BMPR1B: variants seen among roughly 807,000 people sequenced by gnomAD.
BMPR1B encodes the protein bone morphogenetic protein receptor type 1B.
A neutral mutation model predicts 59.1 loss-of-function variants in BMPR1B; 12 were observed. The observed-to-expected ratio is 0.20, with a 90% CI of 0.13 to 0.33. BMPR1B has a LOEUF of 0.33. Among genes scored for constraint, BMPR1B ranks in the 10% least tolerant of loss-of-function variants. The probability of loss-of-function intolerance (pLI) is 1.00; values close to 1 mark genes in which losing one functional copy is unlikely to be tolerated. For missense variants in BMPR1B, 550 were observed against 610.9 expected (o/e 0.90, Z 1.05); for synonymous variants, 237 against 207.3 (o/e 1.14, Z -1.23).
intron 2 of BMPR1B, among the ~76,000 whole-genome samples, chr4:94,930,877 T>A (rs1247273071): frequency 6.6e-6 from 1 of 152,080 alleles, no homozygotes; most frequent in African/African-American, 2.4e-5. Context: ...ACTAAAAATA[T>A]CCAGAGCACT....
intron 3 of BMPR1B, among the ~76,000 whole-genome samples, chr4:95,081,341 C>A (rs754265400): frequency 3.6e-4 from 55 of 152,086 alleles, no homozygotes; most frequent in Non-Finnish European, 6.5e-4. Context: ...AAAATTTTTA[C>A]TAGAAAGAAT....
At chr4:94,864,279 G>A (rs774373235) in intron 1 of BMPR1B, among the ~76,000 whole-genome samples, 3 of 151,952 alleles carry the variant, frequency 2.0e-5, no homozygotes, top group Admixed American at 6.6e-5. Flanking sequence ...AACCTGTCCC[G>A]TTTCAGATTG....
intron 3 of BMPR1B, among the ~76,000 whole-genome samples, chr4:95,004,879 G>T (rs1350490904): frequency 6.6e-6 from 1 of 152,070 alleles, no homozygotes; most frequent in Non-Finnish European, 1.5e-5. Context: ...GAGTTTTTTT[G>T]TTGTTGTTTA....
chr4:94,772,401 C>A (rs894770597), intron 1 of BMPR1B, among the ~76,000 whole-genome samples: 3 of 152,060 alleles, frequency 2.0e-5, no homozygotes, highest in African/African-American at 7.2e-5. Context: ...TCCAAAATAA[C>A]CAGATTAAAC....
chr4:94,969,425 G>A (rs2149074966), intron 2 of BMPR1B, among the ~76,000 whole-genome samples: 1 of 152,280 alleles, frequency 6.6e-6, no homozygotes, highest in South Asian at 2.1e-4. Context: ...AGCCTGCAAT[G>A]GCTGGGCTAG....
At chr4:94,759,635 T>G (rs1273554615) in intron 1 of BMPR1B, among the ~76,000 whole-genome samples, 1 of 152,188 alleles carries the variant, frequency 6.6e-6, no homozygotes, top group Non-Finnish European at 1.5e-5. Flanking sequence ...CCCTTTACAC[T>G]CTAGTGATCA....
Position 95,051,866 on chromosome 4 carries a change from G to T in BMPR1B, c.-17-52542G>T, listed in dbSNP as rs1726530162. On this transcript the variant is annotated intron_variant, in intron 3 of 12. Coordinates refer to ENST00000515059, the MANE Select transcript of BMPR1B (RefSeq NM_001203.3). ...ATCGCAGAAGGGAAAGTTCAGGCCA[G>T]AAGTTCAATGTCTATAAAGTTCCAT... is the stretch of plus-strand genomic sequence containing the variant. 2.1e-5 allele frequency: 26 copies of T among 1,240,356 alleles called. No individual in the cohort carries two copies. In the Middle Eastern group the frequency reaches 9.3e-4, roughly 44 times the overall value. 76.8% of individuals were successfully genotyped at this position (1,240,356 alleles called of 1,614,324 possible).
chr4:95,125,134 C>T lies in BMPR1B; in HGVS notation c.585+13C>T. On this transcript the variant is annotated intron_variant, in intron 8 of 12. Transcript: ENST00000515059. ...CCTCCCTCTGCTGGTATGAGAAGAA[C>T]ACATCTTGAATTTAAAGGAAATGTT... 3 of 1,613,412 alleles carry T rather than the reference C, an allele frequency of 1.9e-6. No individual in the cohort carries two copies. Among genetic ancestry groups the T allele is most frequent in the Non-Finnish European group, 2.5e-6 (3 of 1,179,612 alleles).
At chr4:95,054,184 GA>G (rs2079748479) in intron 3 of BMPR1B, among the ~76,000 whole-genome samples, 1 of 152,146 alleles carries the variant, frequency 6.6e-6, no homozygotes. Context: ...AGATTTATAT[GA>G]AGGAATATGT....
chr4:95,032,525 C>T (rs1008893139), intron 3 of BMPR1B, among the ~76,000 whole-genome samples: 4 of 152,108 alleles, frequency 2.6e-5, no homozygotes, highest in African/African-American at 9.7e-5. Context: ...CAACTACTTC[C>T]TATTTTCCCT....
chr4:94,880,588 G>A (rs1335010548), intron 2 of BMPR1B, among the ~76,000 whole-genome samples: 1 of 151,222 alleles, frequency 6.6e-6, no homozygotes, highest in Non-Finnish European at 1.5e-5. Flanking sequence ...GCCTCCTGAA[G>A]TACTGGGATT....
At chr4:95,130,944 G>C (rs1733305080) in intron 9 of BMPR1B, among the ~76,000 whole-genome samples, 1 of 151,634 alleles carries the variant, frequency 6.6e-6, no homozygotes, top group East Asian at 1.9e-4. Flanking sequence ...TGACCAGAGT[G>C]GTCTTGAACT....
intron 3 of BMPR1B, among the ~76,000 whole-genome samples, chr4:95,102,913 C>T (rs1730926677): frequency 1.3e-5 from 2 of 151,848 alleles, no homozygotes; most frequent in Non-Finnish European, 2.9e-5. Context: ...ATGCACATTT[C>T]CTGGCTCGCC....
intron 2 of BMPR1B, among the ~76,000 whole-genome samples, chr4:94,919,844 G>A (rs13133713): frequency 0.14 from 21,668 of 152,114 alleles, 1,749 homozygotes; most frequent in South Asian, 0.19. Flanking sequence ...TTTTCTATTA[G>A]GAGATTCTCC....
At chr4:94,881,426 G>A (rs1391192607) in intron 2 of BMPR1B, among the ~76,000 whole-genome samples, 2 of 152,058 alleles carry the variant, frequency 1.3e-5, no homozygotes, top group Admixed American at 1.3e-4. Flanking sequence ...ATTTGGCAAC[G>A]AGAGGAGCTG....
At chr4:94,921,882 A>C (rs1000600634) in intron 2 of BMPR1B, among the ~76,000 whole-genome samples, 3 of 152,116 alleles carry the variant, frequency 2.0e-5, no homozygotes, top group Non-Finnish European at 4.4e-5. Context: ...AAATATGTTC[A>C]TCTTTAAAAG....
intron 2 of BMPR1B, among the ~76,000 whole-genome samples, chr4:94,917,215 A>T (rs867122150): frequency 5.3e-5 from 8 of 152,318 alleles, no homozygotes; most frequent in Middle Eastern, 6.8e-3. Context: ...GGGAAATCTG[A>T]GGCTGGAGCC....
intron 2 of BMPR1B, among the ~76,000 whole-genome samples, chr4:94,988,749 G>A (rs1014014045): frequency 1.3e-5 from 2 of 152,048 alleles, no homozygotes; most frequent in African/African-American, 4.8e-5. Context: ...GGGGTCCTGG[G>A]AGCCCAAATT....
chr4:94,997,567 ATAGCT>A (rs745598828), intron 3 of BMPR1B, among the ~76,000 whole-genome samples: 1 of 152,212 alleles, frequency 6.6e-6, no homozygotes, highest in Non-Finnish European at 1.5e-5. Flanking sequence ...AATCTAATTG[ATAGCT>A]TAAACTGTAT....
Sources: gnomAD v4.1 joint callset for allele counts (sites outside exome capture counted in the v4.1 genomes callset) on GRCh38, gnomAD v4.1.1 for gene constraint, MANE v1.5 for transcripts, NCBI Gene and HGNC (gene_info 2026-07-23, HGNC 2026-07-21) for gene names.